Variants in TMEM71 observed in about 807,000 individuals in gnomAD.
TMEM71 encodes the protein transmembrane protein 71.
A neutral mutation model predicts 38.0 loss-of-function variants in TMEM71; 44 were observed. The ratio of observed to expected loss-of-function variants is 1.16; its 90% confidence interval spans 0.91 to 1.49. The LOEUF is 1.49. Among genes scored for constraint, TMEM71 ranks in the 40% most tolerant of loss-of-function variants. The pLI is 0.00. For synonymous variants in TMEM71, 133 were observed against 122.5 expected (o/e 1.09, Z -0.56); for missense variants, 367 against 348.6 (o/e 1.05, Z -0.42).
intron 3 of TMEM71, among the ~76,000 whole-genome samples, chr8:132,755,514 G>T (rs2467988): frequency 0.3 from 45,575 of 151,956 alleles, 7,046 homozygotes; most frequent in Non-Finnish European, 0.33. Flanking sequence ...TTCTTGTGAG[G>T]TTACTGACTA....
chr8:132,712,120 A>C (rs1826267632), intron 9 of TMEM71, among the ~76,000 whole-genome samples: 1 of 152,148 alleles, frequency 6.6e-6, no homozygotes, highest in Admixed American at 6.5e-5. Context: ...ACTATTTTCA[A>C]GGCTTTGGTT....
At chr8:132,772,688 A>C in the TMEM71 span, among the ~76,000 whole-genome samples, 1 of 152,234 alleles carries the variant, frequency 6.6e-6, no homozygotes, top group South Asian at 2.1e-4. Context: ...TATACTTAAA[A>C]ATCAATATGA....
At chr8:132,750,085 A>G (rs1828617998) in intron 4 of TMEM71, among the ~76,000 whole-genome samples, 1 of 152,130 alleles carries the variant, frequency 6.6e-6, no homozygotes, top group Non-Finnish European at 1.5e-5. Flanking sequence ...GAGTCATTAC[A>G]TATTTAGATC....
the TMEM71 span, among the ~76,000 whole-genome samples, chr8:132,774,149 CAT>C: frequency 6.1e-3 from 929 of 152,290 alleles, 10 homozygotes; most frequent in African/African-American, 0.021. Context: ...AATAGCCATA[CAT>C]AATTCTAAGG....
chr8:132,716,439 A>G (rs1826538122), intron 7 of TMEM71, among the ~76,000 whole-genome samples: 1 of 152,226 alleles, frequency 6.6e-6, no homozygotes, highest in Admixed American at 6.5e-5. Flanking sequence ...TGTCTGTAAA[A>G]AAGCTACTCA....
chr8:132,718,977 A>G (rs1826689786), intron 7 of TMEM71, among the ~76,000 whole-genome samples: 1 of 152,268 alleles, frequency 6.6e-6, no homozygotes, highest in Non-Finnish European at 1.5e-5. Context: ...AGAAGTTATT[A>G]ATAAAATCTG....
intron 4 of TMEM71, among the ~76,000 whole-genome samples, chr8:132,747,823 T>C (rs1308591033): frequency 6.6e-6 from 1 of 152,210 alleles, no homozygotes; most frequent in Non-Finnish European, 1.5e-5. Context: ...GGAAGGTAAG[T>C]AATGATGAAC....
rs775287402 is a variant in TMEM71 at position 132,743,757 on chromosome 8, C to G, written c.487+3185G>C. Among the ~76,000 whole-genome samples, 262 of 152,144 alleles carry G rather than the reference C, an allele frequency of 1.7e-3. 2 individuals carry two copies. The highest frequency in any genetic ancestry group is 1.1e-3 in the Non-Finnish European group (78 of 68,032). ...TCTGGATTGCAAATACCAACACCAT[C>G]TTGACATTGTCTCTTGGATGTCCCA... On this transcript the variant is annotated intron_variant, in intron 5 of 9. Coordinates refer to ENST00000677595, the MANE Select transcript of TMEM71 (RefSeq NM_001382403.1).
chr8:132,736,754 C>A (rs1827769277), intron 5 of TMEM71, among the ~76,000 whole-genome samples: 3 of 152,016 alleles, frequency 2.0e-5, no homozygotes, highest in Non-Finnish European at 2.9e-5. Flanking sequence ...TTGCTTGAGC[C>A]CACGAGGTGG....
At chr8:132,739,184 G>A (rs908299181) in intron 5 of TMEM71, among the ~76,000 whole-genome samples, 2 of 152,104 alleles carry the variant, frequency 1.3e-5, no homozygotes, top group Non-Finnish European at 2.9e-5. Context: ...TTGCTCTTTC[G>A]GCCTGCACTA....
chr8:132,749,388 C>T (rs1293802279), intron 4 of TMEM71, among the ~76,000 whole-genome samples: 1 of 152,348 alleles, frequency 6.6e-6, no homozygotes, highest in Admixed American at 6.5e-5. Flanking sequence ...AAACTTCTCA[C>T]CAAATACACT....
chr8:132,746,941 C>T lies in TMEM71; in HGVS notation c.487+1G>A. The T allele has an allele frequency of 6.3e-7, 1 of 1,586,328 alleles. No homozygotes were observed. The highest frequency in any genetic ancestry group is 8.6e-7 in the Non-Finnish European group (1 of 1,169,414). On this transcript the variant is annotated splice_donor_variant, in intron 5 of 9. Coordinates refer to ENST00000677595, the MANE Select transcript of TMEM71 (RefSeq NM_001382403.1). LOFTEE classifies it high-confidence loss of function. ...CTATGGAAAGGAGGACTCAAACTCA[C>T]CATTTCCATTGCAATGGTCTGTGTC...
rs1329133927 is a variant in TMEM71, at chr8:132,758,925, ATGTT to A, written c.-36-14_-36-11del. Reference sequence around the variant, plus strand: ...AAACTTCACAGATTCTCTGCAAAAGATGTTAAAAAAAAGGTGGACTATATATTAA... The same window carrying A: ...AAACTTCACAGATTCTCTGCAAAAGAAAAAAAAAGGTGGACTATATATTAA... On this transcript the variant is annotated splice_polypyrimidine_tract_variant and intron_variant, in intron 1 of 9. Coordinates refer to ENST00000677595, the MANE Select transcript of TMEM71 (RefSeq NM_001382403.1). The A allele has an allele frequency of 1.9e-6, 3 of 1,578,770 alleles. No individual in the cohort carries two copies. The highest frequency in any genetic ancestry group is 2.7e-5 in the African/African-American group (2 of 74,208).
chr8:132,711,073 T>C, intron 9 of TMEM71, 91 bp from the exon 10 acceptor site: 1 of 1,229,258 alleles, frequency 8.1e-7, no homozygotes, highest in Non-Finnish European at 1.2e-6. Flanking sequence ...TTTGCGCATA[T>C]ATAAGCACAC....
chr8:132,767,361 T>G, the TMEM71 span, among the ~76,000 whole-genome samples: 1 of 152,210 alleles, frequency 6.6e-6, no homozygotes, highest in African/African-American at 2.4e-5. Flanking sequence ...TGGTACCTCT[T>G]TGACTGTACA....
rs1206206389 is a variant in TMEM71 at position 132,742,872 on chromosome 8, C to T, written c.487+4070G>A. Among the ~76,000 whole-genome samples, 3 of 152,292 alleles carry T rather than the reference C, an allele frequency of 2.0e-5. No homozygotes were observed. In the East Asian group the frequency reaches 5.8e-4, roughly 29 times the overall value. ...AAGAGGTTTAATGGACTTACAGTTC[C>T]ACATGGCTAGGAAAGCCTCACAGTC... On this transcript the variant is annotated intron_variant, in intron 5 of 9. Coordinates refer to ENST00000677595, the MANE Select transcript of TMEM71 (RefSeq NM_001382403.1).
chr8:132,745,941 T>C (rs575193168), intron 5 of TMEM71, among the ~76,000 whole-genome samples: 4 of 150,238 alleles, frequency 2.7e-5, no homozygotes, highest in Admixed American at 2.0e-4. Flanking sequence ...CCCTATGTTC[T>C]TACCTATAAG....
intron 6 of TMEM71, among the ~76,000 whole-genome samples, chr8:132,727,503 G>A (rs1280768934): frequency 8.5e-5 from 13 of 152,070 alleles, no homozygotes; most frequent in African/African-American, 1.2e-4. Context: ...TGATCCGCCC[G>A]CCTCGGCCTC....
downstream of TMEM71, among the ~76,000 whole-genome samples, chr8:132,709,172 T>G (rs1046701532): frequency 6.6e-6 from 1 of 152,188 alleles, no homozygotes; most frequent in Non-Finnish European, 1.5e-5. Context: ...ACAAAGGAAA[T>G]GTAGAAATTC....
Sources: gnomAD v4.1 joint callset for allele counts (sites outside exome capture counted in the v4.1 genomes callset) on GRCh38, gnomAD v4.1.1 for gene constraint, MANE v1.5 for transcripts, NCBI Gene and HGNC (gene_info 2026-07-23, HGNC 2026-07-21) for gene names.